SHB: variants seen among roughly 807,000 people sequenced by gnomAD.
The protein encoded by SHB is SH2 domain containing adaptor protein B, also known as SH2 domain-containing adapter protein B.
In SHB, 20 loss-of-function variants were observed where a neutral mutation model predicts 52.3. That is an observed-to-expected ratio of 0.38 (90% CI 0.27 to 0.56). The LOEUF is 0.56. Among genes scored for constraint, SHB ranks in the 20% least tolerant of loss-of-function variants. SHB has a pLI of 0.71. For synonymous variants in SHB, 397 were observed against 316.5 expected (o/e 1.25, Z -2.70); for missense variants, 825 against 723.3 (o/e 1.14, Z -1.61).
At chr9:37,935,523 C>T (rs1047430401) in intron 5 of SHB, among the ~76,000 whole-genome samples, 1 of 152,094 alleles carries the variant, frequency 6.6e-6, no homozygotes. Context: ...TCTCTGAGCC[C>T]GTCTCCTTCA....
chr9:38,043,187 T>C (rs1781494836), intron 1 of SHB, among the ~76,000 whole-genome samples: 1 of 152,224 alleles, frequency 6.6e-6, no homozygotes, highest in African/African-American at 2.4e-5. Flanking sequence ...TGCAACACCC[T>C]GTCTTGCTTT....
chr9:37,999,159 G>A (rs1820983310), intron 2 of SHB, among the ~76,000 whole-genome samples: 1 of 152,190 alleles, frequency 6.6e-6, no homozygotes, highest in Admixed American at 6.5e-5. Context: ...GAAAGTCTGG[G>A]CTCAGATCTG....
rs774721896 is a variant in SHB at position 38,016,008 on chromosome 9, T to C, written c.838+3A>G. 3 of 1,614,072 alleles carry C rather than the reference T, an allele frequency of 1.9e-6. No individual in the cohort carries two copies. The highest frequency in any genetic ancestry group is 8.5e-7 in the Non-Finnish European group (1 of 1,179,950). On this transcript the variant is annotated splice_donor_region_variant and intron_variant, in intron 2 of 5. Coordinates refer to ENST00000377707, the MANE Select transcript of SHB (RefSeq NM_003028.3). ...TGAGCCCCTGCGCTTCAGCTCCACT[T>C]ACCTGTCATGATCCTCTGTGCCTCA...
At chr9:37,922,746 G>GC (rs1337926719) in intron 5 of SHB, among the ~76,000 whole-genome samples, 1 of 152,126 alleles carries the variant, frequency 6.6e-6, no homozygotes, top group Non-Finnish European at 1.5e-5. Context: ...ACCCTCCTGG[G>GC]CTCAAGCACT....
At chr9:37,941,894 C>T (rs1393368800) in intron 5 of SHB, among the ~76,000 whole-genome samples, 1 of 152,176 alleles carries the variant, frequency 6.6e-6, no homozygotes, top group Non-Finnish European at 1.5e-5. Flanking sequence ...TGGAGACTTG[C>T]TCCCTGCTGA....
chr9:37,927,957 T>C (rs1204852019), intron 5 of SHB, among the ~76,000 whole-genome samples: 10 of 152,124 alleles, frequency 6.6e-5, no homozygotes, highest in Non-Finnish European at 1.3e-4. Flanking sequence ...TCTCTTTTTT[T>C]TTTTTCTACC....
chr9:37,943,663 G>T (rs921011976), intron 5 of SHB, among the ~76,000 whole-genome samples: 6 of 152,172 alleles, frequency 3.9e-5, no homozygotes, highest in Non-Finnish European at 7.4e-5. Flanking sequence ...GACTGCAGAG[G>T]CCTCAGAGGT....
At chr9:37,962,185 G>A (rs746683304) in intron 3 of SHB, among the ~76,000 whole-genome samples, 3 of 152,306 alleles carry the variant, frequency 2.0e-5, no homozygotes, top group East Asian at 1.9e-4. Flanking sequence ...CCCTGTAAGC[G>A]GGAGACCCTG....
rs768371168 is a variant in SHB at position 38,068,002 on chromosome 9, C to A, written c.644G>T (p.Cys215Phe). The change falls in exon 1 of 6, where the codon TGC (cysteine) becomes TTC (phenylalanine). Residue 215 changes from cysteine to phenylalanine, a missense_variant. Physicochemically the swap from Cys to Phe is radical, Grantham distance 205. Transcript: ENST00000377707. ...CTTGTTGAGCAGTTTCTTGCCTCCG[C>A]AGGCCGTCGGGCTCCAGGTGCGGCC... ...AGGRTWSPTA[C>F]GGKKLLNKCA... 3 of 1,530,920 alleles carry A rather than the reference C, an allele frequency of 2.0e-6. No homozygotes were observed. The highest frequency in any genetic ancestry group is 1.7e-6 in the Non-Finnish European group (2 of 1,147,980). The allele number at this position is 1,530,920 out of a possible 1,614,324, so 94.8% of individuals were successfully genotyped here.
chr9:37,999,651 C>T (rs973007795), intron 2 of SHB, among the ~76,000 whole-genome samples: 33 of 152,172 alleles, frequency 2.2e-4, no homozygotes, highest in African/African-American at 6.0e-4. Context: ...CAAAGGCAGC[C>T]GAGGCAGCAG....
chr9:37,948,831 G>A, intron 4 of SHB, 77 bp from the exon 5 acceptor site: 1 of 1,577,168 alleles, frequency 6.3e-7, no homozygotes, highest in Non-Finnish European at 8.6e-7. Context: ...GGGAGACTCA[G>A]CACCCGCAGA....
chr9:37,974,947 C>T lies in SHB; in HGVS notation c.839-110G>A, dbSNP rs548368714. The T allele has an allele frequency of 7.7e-6, 7 of 912,656 alleles. No homozygotes were observed. The African/African-American group carries it at 8.3e-5, about 11-fold the overall frequency. 56.5% of individuals were successfully genotyped at this position (912,656 alleles called of 1,614,324 possible). The stretch of plus-strand genomic sequence containing the variant: ...AGAGCTGCCAGCGGGGAGGTGAGAA[C>T]GACAGAGAGACAGACCCCTGTCTGG... On this transcript the variant is annotated intron_variant, in intron 2 of 5. Transcript: ENST00000377707.
chr9:38,007,580 G>A (rs1225822006), intron 2 of SHB, among the ~76,000 whole-genome samples: 1 of 152,188 alleles, frequency 6.6e-6, no homozygotes, highest in Non-Finnish European at 1.5e-5. Context: ...AGGTCCCTGG[G>A]CTCCTGAGGG....
At chr9:37,969,549 T>C (rs1820568368) in intron 3 of SHB, among the ~76,000 whole-genome samples, 2 of 152,116 alleles carry the variant, frequency 1.3e-5, no homozygotes, top group African/African-American at 4.8e-5. Context: ...AAACTGAGAC[T>C]CCCAGGACAT....
Position 37,971,019 on chromosome 9 carries a change from C to T in SHB, c.1054+3603G>A, listed in dbSNP as rs138375249. On this transcript the variant is annotated intron_variant, in intron 3 of 5. Transcript: ENST00000377707. ...GGCCAGCCAACTCCACCCCATACAGCTCTTCCTCCAGCTATGGATCCTGCA... is the reference window on the plus strand; with the variant it reads ...GGCCAGCCAACTCCACCCCATACAGTTCTTCCTCCAGCTATGGATCCTGCA... Among the ~76,000 whole-genome samples, 226 of 152,268 alleles carry T rather than the reference C, an allele frequency of 1.5e-3. 2 individuals are homozygous for T. The highest frequency in any genetic ancestry group is 5.3e-3 in the African/African-American group (222 of 41,562).
chr9:38,054,923 G>C (rs986966948), intron 1 of SHB, among the ~76,000 whole-genome samples: 7 of 152,240 alleles, frequency 4.6e-5, no homozygotes, highest in Non-Finnish European at 5.9e-5. Context: ...GGATGGAAGA[G>C]AGTTGGATGG....
intron 1 of SHB, among the ~76,000 whole-genome samples, chr9:38,028,654 T>C (rs1486237561): frequency 6.6e-6 from 1 of 152,246 alleles, no homozygotes; most frequent in African/African-American, 2.4e-5. Context: ...CTGAGTTAGC[T>C]GAGGAGACAT....
chr9:37,999,325 C>T (rs774464221), intron 2 of SHB, among the ~76,000 whole-genome samples: 4 of 152,176 alleles, frequency 2.6e-5, no homozygotes, highest in Non-Finnish European at 4.4e-5. Flanking sequence ...TCTCTCCTCC[C>T]TGAGGTCTCT....
At position 37,942,677 on chromosome 9, in the gene SHB, T is replaced by A. The variant is rs16934636; in HGVS notation, c.1346+5958A>T. On this transcript the variant is annotated intron_variant, in intron 5 of 5. Coordinates refer to ENST00000377707, the MANE Select transcript of SHB (RefSeq NM_003028.3). The stretch of plus-strand genomic sequence containing the variant: ...TCCCGTGATGCTCAGGAAGGTGCAG[T>A]ACCTTGCCCAGCATCAGGTGCGGGG... 7.3e-3 allele frequency among the ~76,000 whole-genome samples: 1,108 copies of A among 152,330 alleles called. 10 individuals carry two copies. The highest frequency in any genetic ancestry group is 0.025 in the African/African-American group (1,055 of 41,570).
Sources: allele counts gnomAD v4.1 joint callset (sites outside exome capture counted in the v4.1 genomes callset), GRCh38; gene constraint gnomAD v4.1.1; transcripts MANE v1.5; gene names NCBI Gene and HGNC (gene_info 2026-07-23, HGNC 2026-07-21).